Variants in SH3GL3 observed in about 807,000 individuals in gnomAD.
The protein encoded by SH3GL3 is SH3 domain containing GRB2 like 3, endophilin A3.
Under a neutral mutation model 47.7 loss-of-function variants are expected in SH3GL3, and 33 were observed. The ratio of observed to expected loss-of-function variants is 0.69; its 90% CI spans 0.52 to 0.92. SH3GL3 has a LOEUF of 0.92. Among genes scored for constraint, SH3GL3 ranks in the 40% least tolerant of loss-of-function variants. SH3GL3 has a pLI of 0.00. For synonymous variants in SH3GL3, 155 were observed against 148.8 expected (o/e 1.04, Z -0.30); for missense variants, 363 against 417.8 (o/e 0.87, Z 1.14).
chr15:83,549,254 T>G (rs963952134), intron 1 of SH3GL3, among the ~76,000 whole-genome samples: 1 of 152,222 alleles, frequency 6.6e-6, no homozygotes, highest in South Asian at 2.1e-4. Flanking sequence ...CTTTTCTTAG[T>G]TTTCCATTGT....
At chr15:83,543,850 A>G (rs2044280013) in intron 1 of SH3GL3, among the ~76,000 whole-genome samples, 1 of 151,860 alleles carries the variant, frequency 6.6e-6, no homozygotes, top group Non-Finnish European at 1.5e-5. Flanking sequence ...TTTCTGTGGT[A>G]TTGGTTTTAA....
At chr15:83,589,837 T>C (rs1304310227) in intron 8 of SH3GL3, among the ~76,000 whole-genome samples, 2 of 152,216 alleles carry the variant, frequency 1.3e-5, no homozygotes, top group Admixed American at 1.3e-4. Flanking sequence ...CATTTCCCTA[T>C]TGGTGGACGT....
At chr15:83,612,948 T>C (rs1275312994) in intron 8 of SH3GL3, among the ~76,000 whole-genome samples, 1 of 152,148 alleles carries the variant, frequency 6.6e-6, no homozygotes, top group East Asian at 1.9e-4. Context: ...ACAACTGAAA[T>C]GGTATTATTT....
intron 8 of SH3GL3, among the ~76,000 whole-genome samples, chr15:83,599,664 G>A (rs2060329931): frequency 6.6e-6 from 1 of 152,198 alleles, no homozygotes; most frequent in Non-Finnish European, 1.5e-5. Context: ...GCGTGTGCAA[G>A]TATCTTTTTT....
At chr15:83,544,805 T>A (rs1174499351) in intron 1 of SH3GL3, among the ~76,000 whole-genome samples, 1 of 152,162 alleles carries the variant, frequency 6.6e-6, no homozygotes, top group Non-Finnish European at 1.5e-5. Context: ...TATTCCAGGA[T>A]AAAATCTTTT....
chr15:83,624,645 T>G, the SH3GL3 span, among the ~76,000 whole-genome samples: 1 of 152,174 alleles, frequency 6.6e-6, no homozygotes, highest in African/African-American at 2.4e-5. Flanking sequence ...GACATAAAGA[T>G]TCCTCTCTGC....
At chr15:83,522,878 T>G (rs535136262) in intron 1 of SH3GL3, among the ~76,000 whole-genome samples, 3 of 152,328 alleles carry the variant, frequency 2.0e-5, no homozygotes, top group African/African-American at 7.2e-5. Context: ...TAATTACCTT[T>G]CATCCTAAAT....
At chr15:83,508,283 GA>G (rs1256565052) in intron 1 of SH3GL3, among the ~76,000 whole-genome samples, 4 of 152,100 alleles carry the variant, frequency 2.6e-5, no homozygotes, top group African/African-American at 9.7e-5. Context: ...GTCTCATTGA[GA>G]GGGGGACATT....
chr15:83,505,445 T>C (rs1421225131), intron 1 of SH3GL3, among the ~76,000 whole-genome samples: 1 of 152,092 alleles, frequency 6.6e-6, no homozygotes, highest in Non-Finnish European at 1.5e-5. Flanking sequence ...TGATATCTCA[T>C]TGGGATTTTA....
intron 2 of SH3GL3, among the ~76,000 whole-genome samples, chr15:83,562,943 A>G (rs1378151685): frequency 1.3e-5 from 2 of 152,208 alleles, no homozygotes; most frequent in Admixed American, 1.3e-4. Flanking sequence ...GCCCACTTGC[A>G]CACACAGCAC....
intron 1 of SH3GL3, among the ~76,000 whole-genome samples, chr15:83,460,088 T>A (rs1312776413): frequency 7.8e-6 from 1 of 127,662 alleles, no homozygotes; most frequent in African/African-American, 2.9e-5. Flanking sequence ...CTTCCTTCCT[T>A]CCTTCCTTGC....
intron 5 of SH3GL3, among the ~76,000 whole-genome samples, chr15:83,573,027 C>T (rs927669226): frequency 2.0e-5 from 3 of 152,188 alleles, no homozygotes; most frequent in Non-Finnish European, 4.4e-5. Context: ...TTATCAAAAT[C>T]GTACCATAGT....
chr15:83,497,903 A>G (rs1193892407), intron 1 of SH3GL3, among the ~76,000 whole-genome samples: 1 of 152,068 alleles, frequency 6.6e-6, no homozygotes, highest in Non-Finnish European at 1.5e-5. Flanking sequence ...TTCCTACCAC[A>G]CCACTGCTGG....
At chr15:83,585,362 C>T (rs1466320745) in intron 6 of SH3GL3, among the ~76,000 whole-genome samples, 1 of 152,138 alleles carries the variant, frequency 6.6e-6, no homozygotes, top group African/African-American at 2.4e-5. Flanking sequence ...CTTCCTGTTC[C>T]CCAACCCCAA....
chr15:83,512,711 A>C, intron 1 of SH3GL3, among the ~76,000 whole-genome samples: 1 of 147,766 alleles, frequency 6.8e-6, no homozygotes, highest in Non-Finnish European at 1.5e-5. Context: ...TGGCCTCCCT[A>C]CTCCTCCATC....
chr15:83,615,824 AATAG>A (rs2060797750), intron 8 of SH3GL3, among the ~76,000 whole-genome samples: 2 of 152,340 alleles, frequency 1.3e-5, no homozygotes, highest in African/African-American at 4.8e-5. Context: ...TATTAAATAT[AATAG>A]ATATTTACCT....
chr15:83,537,122 G>T (rs1196644666), intron 1 of SH3GL3, among the ~76,000 whole-genome samples: 1 of 152,170 alleles, frequency 6.6e-6, no homozygotes, highest in Non-Finnish European at 1.5e-5. Context: ...GGCCAAGGGG[G>T]ACTCAGGGAG....
intron 1 of SH3GL3, among the ~76,000 whole-genome samples, chr15:83,552,463 T>TA (rs2044712570): frequency 6.6e-6 from 1 of 152,210 alleles, no homozygotes; most frequent in African/African-American, 2.4e-5. Flanking sequence ...TGTTGGTTCC[T>TA]AACTTAATTG....
intron 1 of SH3GL3, among the ~76,000 whole-genome samples, chr15:83,472,287 T>C (rs2040866875): frequency 1.3e-5 from 2 of 152,346 alleles, no homozygotes; most frequent in South Asian, 2.1e-4. Context: ...CTTTGAGTGC[T>C]TTACCAGTCC....
Sources: allele counts gnomAD v4.1 joint callset (sites outside exome capture counted in the v4.1 genomes callset), GRCh38; gene constraint gnomAD v4.1.1; transcripts MANE v1.5; gene names NCBI Gene and HGNC (gene_info 2026-07-23, HGNC 2026-07-21).